MEF2C: variants seen among roughly 807,000 people sequenced by gnomAD.
MEF2C encodes myocyte enhancer factor 2C, also known as myocyte-specific enhancer factor 2C.
A neutral mutation model predicts 50.5 loss-of-function variants in MEF2C; 6 were observed. That is an observed-to-expected ratio of 0.12 (90% CI 0.07 to 0.23). MEF2C has a LOEUF of 0.23. MEF2C is among the 10% of genes least tolerant of loss of function. MEF2C has a pLI of 1.00. For synonymous variants in MEF2C, 183 were observed against 228.0 expected (o/e 0.80, Z 1.78); for missense variants, 276 against 605.0 (o/e 0.46, Z 5.70).
At chr5:88,902,071 CAT>C (rs1356472257) in intron 1 of MEF2C, among the ~76,000 whole-genome samples, 2 of 151,756 alleles carry the variant, frequency 1.3e-5, no homozygotes, top group African/African-American at 2.4e-5. Context: ...CATAAGAACA[CAT>C]GTTGTTCAGT....
At position 88,722,069 on chromosome 5, in the gene MEF2C, C is replaced by T. The variant is rs1756519024; in HGVS notation, c.*535G>A. The T allele has an allele frequency of 1.3e-5, 2 of 152,936 alleles. No individual in the cohort carries two copies. The highest frequency in any genetic ancestry group is 2.4e-5 in the African/African-American group (1 of 41,346). 9.5% of individuals were successfully genotyped at this position (152,936 alleles called of 1,614,324 possible). A position where few individuals can be genotyped will look rare whatever the true frequency, so the allele number is the denominator to read the frequency against. On this transcript the variant is annotated 3_prime_UTR_variant, in exon 11 of 11. Transcript: ENST00000504921. ...GGTCTCTGATCCTTTTTAATGAGTG[C>T]CATACGCCAATGATATGCCTGCAGG...
chr5:88,740,798 T>A, intron 6 of MEF2C: 1 of 985,372 alleles, frequency 1.0e-6, no homozygotes, highest in Non-Finnish European at 1.2e-6. Context: ...TCCATTTAAC[T>A]ATGAATGATA....
intron 3 of MEF2C, chr5:88,780,829 C>A (rs1453314121): frequency 1.0e-6 from 1 of 985,310 alleles, no homozygotes; most frequent in Non-Finnish European, 1.2e-6. Flanking sequence ...AAATCTCAAT[C>A]AACCTACCCC....
intron 3 of MEF2C, among the ~76,000 whole-genome samples, chr5:88,803,227 G>A (rs1250824452): frequency 6.6e-6 from 1 of 152,154 alleles, no homozygotes; most frequent in East Asian, 1.9e-4. Context: ...ATAATGCATA[G>A]TATTTTAAGC....
Position 88,806,030 on chromosome 5 carries a change from A to G in MEF2C, c.55-1229T>C, listed in dbSNP as rs116564136. ...GAGGCACATTGGTATATGAAAGGCT[A>G]TGAAACCTTTTAAACTTTGTTTAAC... On this transcript the variant is annotated intron_variant, in intron 2 of 10. Coordinates refer to ENST00000504921, the MANE Select transcript of MEF2C (RefSeq NM_002397.5). Among the ~76,000 whole-genome samples, 323 of 152,028 alleles carry G rather than the reference A, an allele frequency of 2.1e-3. 1 individual carries two copies. Among genetic ancestry groups the G allele is most frequent in the African/African-American group, 7.5e-3 (312 of 41,484 alleles).
At chr5:88,755,570 C>T (rs1774898942) in intron 4 of MEF2C, among the ~76,000 whole-genome samples, 1 of 152,168 alleles carries the variant, frequency 6.6e-6, no homozygotes, top group South Asian at 2.1e-4. Flanking sequence ...TGAGTATCTA[C>T]ACTGGAGTGT....
chr5:88,751,746 AG>A, intron 5 of MEF2C, 110 bp downstream of exon 5: 1 of 1,258,182 alleles, frequency 7.9e-7, no homozygotes, highest in South Asian at 1.5e-5. Flanking sequence ...TAAGCCATGA[AG>A]GAGAGTAAGT....
intron 2 of MEF2C, among the ~76,000 whole-genome samples, chr5:88,814,280 C>A (rs1174063880): frequency 6.6e-6 from 1 of 151,594 alleles, no homozygotes; most frequent in Admixed American, 6.6e-5. Context: ...GAGCTTTAGG[C>A]CCGATGATTA....
At chr5:88,733,069 A>G (rs1006055963) in intron 6 of MEF2C, 8 of 985,078 alleles carry the variant, frequency 8.1e-6, no homozygotes, top group Non-Finnish European at 8.4e-6. Context: ...AAAGACCAAT[A>G]CAAGGCAGCG....
At chr5:88,819,154 C>T (rs1486977102) in intron 2 of MEF2C, among the ~76,000 whole-genome samples, 2 of 151,822 alleles carry the variant, frequency 1.3e-5, no homozygotes, top group African/African-American at 4.8e-5. Context: ...TTGTGTGTCT[C>T]TAAAAACTAT....
chr5:88,814,453 CT>C (rs1804389399), intron 2 of MEF2C, among the ~76,000 whole-genome samples: 1 of 152,018 alleles, frequency 6.6e-6, no homozygotes. Context: ...TCCAGCATAA[CT>C]TGCGAGGATG....
chr5:88,849,885 C>T (rs1820659308), intron 1 of MEF2C, among the ~76,000 whole-genome samples: 1 of 152,106 alleles, frequency 6.6e-6, no homozygotes, highest in African/African-American at 2.4e-5. Flanking sequence ...ATTTCCTAGA[C>T]CTTCCTCTCA....
intron 4 of MEF2C, among the ~76,000 whole-genome samples, chr5:88,753,238 T>C (rs1773695599): frequency 6.6e-6 from 1 of 152,218 alleles, no homozygotes; most frequent in Non-Finnish European, 1.5e-5. Flanking sequence ...CTTTTCTTTG[T>C]TTATGTTTAT....
chr5:88,751,245 T>C (rs1190794814), intron 5 of MEF2C: 1 of 985,304 alleles, frequency 1.0e-6, no homozygotes, highest in African/African-American at 1.7e-5. Flanking sequence ...CACTGTGAAT[T>C]GAACAACAGC....
chr5:88,835,347 C>T (rs1814658444), intron 1 of MEF2C, among the ~76,000 whole-genome samples: 1 of 152,140 alleles, frequency 6.6e-6, no homozygotes, highest in Non-Finnish European at 1.5e-5. Flanking sequence ...ATTAAGATGT[C>T]AGCAGTATTT....
At position 88,728,573 on chromosome 5, in the gene MEF2C, G is replaced by T; in HGVS notation, c.1020C>A (p.Ser340Arg). ...CAGTTACTGAACCAAGGTGAAGAGC[G>T]CTGGCGGTGTTAAACCCAGACAGAG... ...LSSLSGFNTASALHLGSVTGW... is the reference protein window; with the variant it reads ...LSSLSGFNTARALHLGSVTGW... Residue 340 changes from serine (S) to arginine (R), a missense_variant, in exon 10 of 11, where the codon AGC (serine) becomes AGA (arginine). Coordinates refer to ENST00000504921, the MANE Select transcript of MEF2C (RefSeq NM_002397.5). 1 of 1,532,760 alleles carries T rather than the reference G, an allele frequency of 6.5e-7. No individual in the cohort carries two copies. Among genetic ancestry groups the T allele is most frequent in the Non-Finnish European group, 8.8e-7 (1 of 1,136,180 alleles). The allele number at this position is 1,532,760 out of a possible 1,614,324, so 94.9% of individuals were successfully genotyped here.
In MEF2C at chr5:88,729,255, T is replaced by C; in HGVS notation, c.927A>G (p.Gly309=). 6.2e-7 allele frequency: 1 copy of C among 1,613,278 alleles called. No individual in the cohort carries two copies. The highest frequency in any genetic ancestry group is 1.1e-5 in the South Asian group (1 of 91,064). ...TTGTTGAAATGGCTGATGGATATCC[T>C]CCCATTCCTTGTCCTGGTAAAGTAG... ...ATPTLPGQGM[G]GYPSAISTTY... is the part of the protein sequence containing the mutation. The change falls in exon 9 of 11, where the codon GGA becomes GGG. Residue 309 remains glycine (G), a synonymous_variant. Transcript: ENST00000504921.
At chr5:88,786,537 T>A (rs1790997501) in intron 3 of MEF2C, among the ~76,000 whole-genome samples, 1 of 152,184 alleles carries the variant, frequency 6.6e-6, no homozygotes, top group Non-Finnish European at 1.5e-5. Context: ...TTTATTAAGC[T>A]TAAAGGCAAT....
intron 3 of MEF2C, among the ~76,000 whole-genome samples, chr5:88,793,750 C>A (rs1794843014): frequency 6.6e-6 from 1 of 152,058 alleles, no homozygotes; most frequent in Non-Finnish European, 1.5e-5. Flanking sequence ...GCCCATAAAA[C>A]CGTCATCTAC....
Sources: gnomAD v4.1 joint callset for allele counts (sites outside exome capture counted in the v4.1 genomes callset) on GRCh38, gnomAD v4.1.1 for gene constraint, MANE v1.5 for transcripts, NCBI Gene and HGNC (gene_info 2026-07-23, HGNC 2026-07-21) for gene names.